The following RSRC1 variants were observed in gnomAD, a reference collection of about 807,000 sequenced individuals.
RSRC1 encodes arginine and serine rich coiled-coil 1.
A neutral mutation model predicts 49.1 loss-of-function variants in RSRC1; 39 were observed. The ratio of observed to expected loss-of-function variants is 0.79; its 90% CI spans 0.61 to 1.04. The LOEUF is 1.04. RSRC1 is among the 50% of genes least tolerant of loss of function. RSRC1 has a pLI of 0.00. For synonymous variants in RSRC1, 143 were observed against 130.8 expected (o/e 1.09, Z -0.63); for missense variants, 388 against 402.4 (o/e 0.96, Z 0.31).
chr3:158,149,938 AT>A (rs1717421913), intron 3 of RSRC1, among the ~76,000 whole-genome samples: 1 of 152,214 alleles, frequency 6.6e-6, no homozygotes, highest in African/African-American at 2.4e-5. Context: ...GAAATGTTTT[AT>A]TCTCATTAAA....
intron 6 of RSRC1, among the ~76,000 whole-genome samples, chr3:158,363,039 TA>T (rs1234106062): frequency 1.3e-5 from 2 of 152,224 alleles, no homozygotes; most frequent in African/African-American, 4.8e-5. Flanking sequence ...TGCATAACAG[TA>T]TTTCATTTTC....
intron 1 of RSRC1, among the ~76,000 whole-genome samples, chr3:158,114,242 A>G (rs575731979): frequency 1.3e-5 from 2 of 152,324 alleles, no homozygotes; most frequent in African/African-American, 4.8e-5. Flanking sequence ...AGTACCATTT[A>G]TTAAATAGGG....
intron 1 of RSRC1, among the ~76,000 whole-genome samples, chr3:158,116,532 CT>C (rs538828910): frequency 7.4e-5 from 11 of 148,114 alleles, no homozygotes; most frequent in African/African-American, 7.4e-5. Flanking sequence ...ATTGAAATTG[CT>C]TTTTTTTTTA....
At chr3:158,520,832 T>C (rs1320563297) in intron 7 of RSRC1, among the ~76,000 whole-genome samples, 1 of 152,212 alleles carries the variant, frequency 6.6e-6, no homozygotes, top group African/African-American at 2.4e-5. Flanking sequence ...TGTCTATGTA[T>C]GTGGGTATAT....
chr3:158,338,092 A>C (rs961569281), intron 5 of RSRC1, among the ~76,000 whole-genome samples: 4 of 152,186 alleles, frequency 2.6e-5, no homozygotes, highest in Non-Finnish European at 4.4e-5. Flanking sequence ...GTCCTCAAGG[A>C]TGTTGTAACC....
At chr3:158,290,358 C>T (rs982327023) in intron 4 of RSRC1, among the ~76,000 whole-genome samples, 39 of 151,952 alleles carry the variant, frequency 2.6e-4, no homozygotes, top group East Asian at 9.7e-4. Context: ...CTGCAAGCTC[C>T]GCCTCCCAGG....
chr3:158,455,845 T>C (rs1737280124), intron 6 of RSRC1, among the ~76,000 whole-genome samples: 1 of 151,700 alleles, frequency 6.6e-6, no homozygotes, highest in African/African-American at 2.4e-5. Flanking sequence ...CTGGGCATGG[T>C]GGTGCATGCC....
chr3:158,359,481 A>G (rs1731351230), intron 6 of RSRC1, among the ~76,000 whole-genome samples: 1 of 152,140 alleles, frequency 6.6e-6, no homozygotes, highest in Non-Finnish European at 1.5e-5. Flanking sequence ...TCTGGCTGGA[A>G]AACTCTGTGC....
At chr3:158,218,024 G>A (rs534193720) in intron 4 of RSRC1, among the ~76,000 whole-genome samples, 13 of 151,586 alleles carry the variant, frequency 8.6e-5, no homozygotes, top group Admixed American at 8.6e-4. Flanking sequence ...ACACTGATAC[G>A]AACAGGGACT....
chr3:158,240,773 T>A (rs1433670888), intron 4 of RSRC1, among the ~76,000 whole-genome samples: 7 of 152,218 alleles, frequency 4.6e-5, no homozygotes, highest in Non-Finnish European at 1.5e-5. Context: ...AAATCTTCAC[T>A]GTCTCACTTT....
chr3:158,152,071 A>G (rs1717574023), intron 3 of RSRC1, among the ~76,000 whole-genome samples: 1 of 107,104 alleles, frequency 9.3e-6, no homozygotes, highest in Admixed American at 9.5e-5. Flanking sequence ...ATCATATCTT[A>G]TGGGCAAAAT....
chr3:158,143,526 A>G (rs377366871), intron 3 of RSRC1, among the ~76,000 whole-genome samples: 2 of 152,124 alleles, frequency 1.3e-5, no homozygotes, highest in African/African-American at 4.8e-5. Flanking sequence ...TTTTTACTCA[A>G]TTGTTTAAAT....
intron 6 of RSRC1, among the ~76,000 whole-genome samples, chr3:158,448,894 A>C (rs1254724103): frequency 6.6e-6 from 1 of 151,922 alleles, no homozygotes; most frequent in African/African-American, 2.4e-5. Flanking sequence ...TACTTTTGGA[A>C]CTGTTATAAA....
At position 158,304,791 on chromosome 3, in the gene RSRC1, G is replaced by C. The variant is rs138718145; in HGVS notation, c.531+6716G>C. On this transcript the variant is annotated intron_variant, in intron 5 of 9. Transcript: ENST00000611884. ...TTAAAACAGACACTTTCCTCAAACTGTGATCATGAGATGAAACAGCATGAA... is the reference window on the plus strand; with the variant it reads ...TTAAAACAGACACTTTCCTCAAACTCTGATCATGAGATGAAACAGCATGAA... 5.0e-3 allele frequency among the ~76,000 whole-genome samples: 763 copies of C among 152,246 alleles called. 6 individuals carry two copies. The highest frequency in any genetic ancestry group is 7.3e-3 in the Non-Finnish European group (497 of 68,006).
At chr3:158,135,435 A>AT (rs751854340) in intron 3 of RSRC1, among the ~76,000 whole-genome samples, 5,372 of 136,794 alleles carry the variant, frequency 0.039, 318 homozygotes, top group African/African-American at 0.13. Flanking sequence ...ACACCCAGCT[A>AT]TTTTTTTTTT....
intron 3 of RSRC1, among the ~76,000 whole-genome samples, chr3:158,187,557 A>G (rs1310582652): frequency 1.3e-5 from 2 of 152,000 alleles, no homozygotes; most frequent in Non-Finnish European, 2.9e-5. Context: ...CATATTAGGA[A>G]TATACAAGCA....
At position 158,149,987 on chromosome 3, in the gene RSRC1, C is replaced by G. The variant is rs183715290; in HGVS notation, c.320+25996C>G. ...TAAAGAGGATTTCTGTGGTGTTTAT[C>G]TTTAATATTCTACATCTCTGTTAAC... On this transcript the variant is annotated intron_variant, in intron 3 of 9. Transcript: ENST00000611884. Among the ~76,000 whole-genome samples the G allele has an allele frequency of 2.0e-3, 310 of 152,282 alleles. 1 individual carries two copies. Among genetic ancestry groups the G allele is most frequent in the African/African-American group, 7.3e-3 (302 of 41,566 alleles).
intron 4 of RSRC1, among the ~76,000 whole-genome samples, chr3:158,243,947 A>G (rs1235035482): frequency 5.6e-5 from 7 of 125,010 alleles, no homozygotes; most frequent in African/African-American, 1.5e-4. Flanking sequence ...GGCTGAGACT[A>G]TGGTTTTTTT....
intron 8 of RSRC1, among the ~76,000 whole-genome samples, chr3:158,538,233 A>G (rs948067948): frequency 6.6e-6 from 1 of 151,816 alleles, no homozygotes; most frequent in Non-Finnish European, 1.5e-5. Context: ...TTTTTAAAAT[A>G]ATTTATTCAG....
Sources: gnomAD v4.1 joint callset for allele counts (sites outside exome capture counted in the v4.1 genomes callset) on GRCh38, gnomAD v4.1.1 for gene constraint, MANE v1.5 for transcripts, NCBI Gene and HGNC (gene_info 2026-07-23, HGNC 2026-07-21) for gene names.